The following CACNG2 variants were observed in gnomAD, a reference collection of about 807,000 sequenced individuals.
CACNG2 encodes the protein calcium voltage-gated channel auxiliary subunit gamma 2.
CACNG2 carries 3 observed loss-of-function variants against 25.9 expected under a neutral mutation model. That is an observed-to-expected ratio of 0.12 (90% confidence interval 0.05 to 0.30). The LOEUF (loss-of-function observed/expected upper bound fraction) is 0.30, where lower values mean the gene tolerates loss of function less well. CACNG2 is among the 10% of genes least tolerant of loss of function. The pLI is 1.00. For synonymous variants in CACNG2, 167 were observed against 173.3 expected, an observed-to-expected ratio of 0.96 and a Z score of 0.29; for missense variants, 341 against 432.5, an observed-to-expected ratio of 0.79 and a Z score of 1.88.
intron 1 of CACNG2, among the ~76,000 whole-genome samples, chr22:36,643,474 G>GTCTGTCTGTCTGTCTGTCTATCTA (rs561518849): frequency 6.7e-6 from 1 of 149,134 alleles, no homozygotes; most frequent in Non-Finnish European, 1.5e-5. Context: ...CTATCTGTCT[G>GTCTGTCTGTCTGTCTGTCTATCTA]TCTATCTATC....
In CACNG2 at chr22:36,633,783, C is replaced by T. The variant is rs148358802; in HGVS notation, c.212-46235G>A. On this transcript the variant is annotated intron_variant, in intron 1 of 3. Coordinates refer to ENST00000300105, the MANE Select transcript of CACNG2 (RefSeq NM_006078.5). ...TGTACCTCCGTACTGCAAGGGCATG[C>T]CTGTGAGTTGATTGACTTGTTAAAG... is the stretch of plus-strand genomic sequence containing the variant. 2.3e-3 allele frequency among the ~76,000 whole-genome samples: 355 copies of T among 152,270 alleles called. 1 individual carries two copies. The highest frequency in any genetic ancestry group is 8.2e-3 in the African/African-American group (341 of 41,540).
In CACNG2 at chr22:36,564,844, T is replaced by C. The variant is rs771598194; in HGVS notation, c.479A>G (p.Asn160Ser). The change falls in exon 4 of 4, where the codon AAT (asparagine) becomes AGT (serine). Residue 160 changes from asparagine (N) to serine (S), a missense_variant. Physicochemically the swap from Asn to Ser is conservative, Grantham distance 46 (BLOSUM62 1). Coordinates refer to ENST00000300105, the MANE Select transcript of CACNG2 (RefSeq NM_006078.5). The surrounding 1 kb of genome is among the most constrained non-coding windows in gnomAD (Gnocchi z 6.7). Reference sequence around the variant, plus strand: ...GTCGCTCTTGGAGGGGTCTCCGGCATTGGCAGATATGTACACTATGATGCC... The same window carrying C: ...GTCGCTCTTGGAGGGGTCTCCGGCACTGGCAGATATGTACACTATGATGCC... ...IIGIIVYISA[N>S]AGDPSKSDSK... The C allele has an allele frequency of 4.3e-6, 7 of 1,613,840 alleles. No homozygotes were observed. Among genetic ancestry groups the C allele is most frequent in the Admixed American group, 3.3e-5 (2 of 60,028 alleles).
chr22:36,614,146 A>G (rs1935987529), intron 1 of CACNG2, among the ~76,000 whole-genome samples: 1 of 152,164 alleles, frequency 6.6e-6, no homozygotes, highest in African/African-American at 2.4e-5. Flanking sequence ...CAAGGTCAAC[A>G]GGGTCCACCA....
At chr22:36,567,629 G>A (rs776986225) in intron 2 of CACNG2, among the ~76,000 whole-genome samples, 15 of 152,040 alleles carry the variant, frequency 9.9e-5, no homozygotes, top group Non-Finnish European at 1.3e-4. Flanking sequence ...GGCAGAGGTC[G>A]GGGCTACATG....
intron 1 of CACNG2, among the ~76,000 whole-genome samples, chr22:36,691,589 A>G (rs1412813799): frequency 1.3e-5 from 2 of 152,218 alleles, no homozygotes; most frequent in Non-Finnish European, 2.9e-5. Flanking sequence ...AATTAGTGTC[A>G]TAGAAGGCTG....
intron 1 of CACNG2, among the ~76,000 whole-genome samples, chr22:36,637,211 C>T (rs1037000799): frequency 1.3e-5 from 2 of 152,112 alleles, no homozygotes; most frequent in Non-Finnish European, 2.9e-5. Flanking sequence ...TGGTGAAAAG[C>T]TCTCATTAGG....
chr22:36,602,135 A>G (rs1010301936), intron 1 of CACNG2, among the ~76,000 whole-genome samples: 6 of 152,180 alleles, frequency 3.9e-5, no homozygotes, highest in African/African-American at 1.2e-4. Context: ...AGAAATGCCT[A>G]TTAAAGTCCT....
chr22:36,662,305 C>A (rs1936810348), intron 1 of CACNG2, among the ~76,000 whole-genome samples: 1 of 152,090 alleles, frequency 6.6e-6, no homozygotes. Context: ...TCTAAGCCAT[C>A]TTGTGAAGCG....
chr22:36,699,457 A>C (rs1259369181), intron 1 of CACNG2, among the ~76,000 whole-genome samples: 18 of 151,774 alleles, frequency 1.2e-4, no homozygotes, highest in Non-Finnish European at 1.5e-5. Flanking sequence ...TCTTATTTTC[A>C]TCAAGAGGTG....
At position 36,703,618 on chromosome 22, in the gene CACNG2, CAG is replaced by C. The variant is rs1937444691; in HGVS notation, c.-1044_-1043del. ...CGCCCGCCAGGAGGGGGGCGCTGGC[CAG>C]AGTCCTCCCTCCCCGGGGCAGCAAG... On this transcript the variant is annotated 5_prime_UTR_variant, in exon 1 of 4. Transcript: ENST00000300105. The C allele has an allele frequency of 6.6e-6, 1 of 152,446 alleles. No homozygotes were observed. Among genetic ancestry groups the C allele is most frequent in the Admixed American group, 6.5e-5 (1 of 15,286 alleles). The allele number at this position is 152,446 out of a possible 1,614,324, so 9.4% of individuals were successfully genotyped here. A position where few individuals can be genotyped will look rare whatever the true frequency, so the allele number is the denominator to read the frequency against.
chr22:36,653,489 G>C (rs1450425566), intron 1 of CACNG2, among the ~76,000 whole-genome samples: 1 of 152,242 alleles, frequency 6.6e-6, no homozygotes, highest in Non-Finnish European at 1.5e-5. Context: ...GGCTGCCCGG[G>C]CTGGGGCCTG....
intron 1 of CACNG2, among the ~76,000 whole-genome samples, chr22:36,591,890 C>T (rs931953896): frequency 6.6e-6 from 1 of 151,718 alleles, no homozygotes; most frequent in African/African-American, 2.4e-5. Flanking sequence ...TCTGTTGCTT[C>T]TATTTTCCCA....
Position 36,587,479 on chromosome 22 carries a change from G to A in CACNG2, c.281C>T (p.Ala94Val). 1 of 1,611,814 alleles carries A rather than the reference G, an allele frequency of 6.2e-7. No homozygotes were observed. The highest frequency in any genetic ancestry group is 1.1e-5 in the South Asian group (1 of 91,032). Residue 94 changes from alanine (A) to valine (V), a missense_variant, in exon 2 of 4, where the codon GCA (alanine) becomes GTA (valine). By Grantham distance (64) the Ala-to-Val change is moderately conservative. Transcript: ENST00000300105. The stretch of plus-strand genomic sequence containing the variant: ...TGTGCACTCACGGAGGAAATATTCT[G>A]CTGTGTCAGCTTCGTAATCTGCATC... ...PEDADYEADTAEYFLRAVRAS... is the reference protein window; with the variant it reads ...PEDADYEADTVEYFLRAVRAS...
intron 1 of CACNG2, among the ~76,000 whole-genome samples, chr22:36,617,561 C>T (rs1005476241): frequency 6.6e-5 from 10 of 151,010 alleles, no homozygotes; most frequent in Admixed American, 5.3e-4. Context: ...GATATATAAT[C>T]ATATCTGCCC....
At chr22:36,673,213 G>A (rs1275796436) in intron 1 of CACNG2, among the ~76,000 whole-genome samples, 2 of 152,162 alleles carry the variant, frequency 1.3e-5, no homozygotes, top group African/African-American at 4.8e-5. Flanking sequence ...GTGACAGAGT[G>A]AGACCCTGTC....
At chr22:36,672,630 C>T (rs1303078852) in intron 1 of CACNG2, among the ~76,000 whole-genome samples, 3 of 152,178 alleles carry the variant, frequency 2.0e-5, no homozygotes, top group Non-Finnish European at 4.4e-5. Flanking sequence ...GAGCACTTTC[C>T]GTTCTCCTCC....
chr22:36,605,975 A>G (rs1019824212), intron 1 of CACNG2, among the ~76,000 whole-genome samples: 1 of 152,228 alleles, frequency 6.6e-6, no homozygotes, highest in Non-Finnish European at 1.5e-5. Context: ...CCCTAAATTC[A>G]TCTTAAGAAG....
intron 2 of CACNG2, among the ~76,000 whole-genome samples, chr22:36,583,991 A>T (rs1287424493): frequency 6.6e-6 from 1 of 152,094 alleles, no homozygotes; most frequent in East Asian, 1.9e-4. Flanking sequence ...TGCTCTTGCT[A>T]TTCTCTCCAT....
At chr22:36,624,429 G>C (rs148115584) in intron 1 of CACNG2, among the ~76,000 whole-genome samples, 11 of 152,232 alleles carry the variant, frequency 7.2e-5, no homozygotes, top group South Asian at 2.1e-4. Context: ...GGCCCAGAGA[G>C]GTCAGGCTGC....
Sources: gnomAD v4.1 joint callset for allele counts (sites outside exome capture counted in the v4.1 genomes callset) on GRCh38, gnomAD v4.1.1 for gene constraint, Gnocchi (gnomAD v3.1) non-coding constraint, MANE v1.5 for transcripts, NCBI Gene and HGNC (gene_info 2026-07-23, HGNC 2026-07-21) for gene names.